Variants in SEMA5A observed in about 807,000 individuals in gnomAD.
SEMA5A encodes semaphorin-5A.
In SEMA5A, 55 loss-of-function variants were observed where a neutral mutation model predicts 135.5. The ratio of observed to expected loss-of-function variants is 0.41; its 90% CI spans 0.33 to 0.51. The LOEUF is 0.51. Among genes scored for constraint, SEMA5A ranks in the 20% least tolerant of loss-of-function variants. The pLI is 0.37. For synonymous variants in SEMA5A, 580 were observed against 546.5 expected (o/e 1.06, Z -0.85); for missense variants, 1,290 against 1,419.9 (o/e 0.91, Z 1.47).
Position 9,052,042 on chromosome 5 carries a change from A to G in SEMA5A, c.2690-14T>C. On this transcript the variant is annotated splice_polypyrimidine_tract_variant and intron_variant, in intron 19 of 22. Coordinates refer to ENST00000382496, the MANE Select transcript of SEMA5A (RefSeq NM_003966.3). ...CCGACCAGCTCTCTGCAGAGACCAG[A>G]AAAGGGGAGATGGGGCGGAATGGCC... The G allele has an allele frequency of 1.3e-6, 2 of 1,568,650 alleles. No individual in the cohort carries two copies. Among genetic ancestry groups the G allele is most frequent in the East Asian group, 2.3e-5 (1 of 43,802 alleles).
At chr5:9,532,191 TC>T (rs991520673) in intron 1 of SEMA5A, among the ~76,000 whole-genome samples, 2 of 151,270 alleles carry the variant, frequency 1.3e-5, no homozygotes, top group African/African-American at 4.9e-5. Context: ...ATCTTAAATA[TC>T]CCCCCCATCC....
chr5:9,373,985 T>G (rs571034702), intron 3 of SEMA5A, among the ~76,000 whole-genome samples: 11 of 152,310 alleles, frequency 7.2e-5, no homozygotes, highest in Admixed American at 7.2e-4. Flanking sequence ...GTTTTGAGAC[T>G]CAGTAAGCAT....
chr5:9,055,091 T>G (rs1736817197), intron 18 of SEMA5A, among the ~76,000 whole-genome samples: 1 of 152,182 alleles, frequency 6.6e-6, no homozygotes, highest in Admixed American at 6.5e-5. Context: ...TGCTGAATGC[T>G]GGGGTCAGGT....
intron 3 of SEMA5A, among the ~76,000 whole-genome samples, chr5:9,351,104 G>A (rs1395520047): frequency 1.3e-5 from 2 of 152,180 alleles, no homozygotes; most frequent in South Asian, 2.1e-4. Flanking sequence ...GGGCATTATG[G>A]TACCTGCTTA....
At chr5:9,483,175 T>C (rs915781161) in intron 1 of SEMA5A, among the ~76,000 whole-genome samples, 2 of 152,094 alleles carry the variant, frequency 1.3e-5, no homozygotes, top group Non-Finnish European at 2.9e-5. Flanking sequence ...CTTCTACCAC[T>C]CCCTCTCTCT....
chr5:9,268,082 T>C (rs1441947026), intron 5 of SEMA5A, among the ~76,000 whole-genome samples: 1 of 152,154 alleles, frequency 6.6e-6, no homozygotes, highest in Non-Finnish European at 1.5e-5. Context: ...GAAACACCTA[T>C]AGTATTGGTT....
intron 3 of SEMA5A, among the ~76,000 whole-genome samples, chr5:9,361,778 G>C (rs987050494): frequency 6.6e-6 from 1 of 152,204 alleles, no homozygotes; most frequent in Middle Eastern, 3.4e-3. Context: ...GCGGATCTAG[G>C]GTCCAAATTC....
chr5:9,304,914 C>T (rs1291832364), intron 5 of SEMA5A, among the ~76,000 whole-genome samples: 4 of 152,066 alleles, frequency 2.6e-5, no homozygotes, highest in African/African-American at 9.7e-5. Context: ...TAGTTATTAT[C>T]TTTTTGTCCC....
At chr5:9,126,121 G>T (rs1741098059) in intron 13 of SEMA5A, among the ~76,000 whole-genome samples, 1 of 152,104 alleles carries the variant, frequency 6.6e-6, no homozygotes, top group Non-Finnish European at 1.5e-5. Flanking sequence ...CAATATATAG[G>T]TCTGTACTAT....
At chr5:9,385,709 G>A (rs951861855) in intron 2 of SEMA5A, among the ~76,000 whole-genome samples, 1 of 151,312 alleles carries the variant, frequency 6.6e-6, no homozygotes, top group Admixed American at 6.6e-5. Context: ...CTGCATGTGT[G>A]TCTCTTAATT....
At chr5:9,165,478 T>A (rs1454653687) in intron 11 of SEMA5A, among the ~76,000 whole-genome samples, 5 of 152,190 alleles carry the variant, frequency 3.3e-5, no homozygotes, top group African/African-American at 1.2e-4. Flanking sequence ...CTGAATCCAA[T>A]AGAGAAATTA....
intron 10 of SEMA5A, 82 bp downstream of exon 10, chr5:9,197,086 A>C: frequency 6.3e-7 from 1 of 1,581,092 alleles, no homozygotes; most frequent in Non-Finnish European, 8.6e-7. Context: ...CCGCGGTTTA[A>C]ATTACCCTTG....
intron 18 of SEMA5A, among the ~76,000 whole-genome samples, chr5:9,056,155 T>C (rs1736877090): frequency 6.6e-6 from 1 of 152,190 alleles, no homozygotes; most frequent in Admixed American, 6.5e-5. Context: ...AACCATGTGT[T>C]CTGTAGATCC....
intron 2 of SEMA5A, among the ~76,000 whole-genome samples, chr5:9,401,119 C>T (rs1756641512): frequency 6.6e-6 from 1 of 151,848 alleles, no homozygotes; most frequent in South Asian, 2.1e-4. Context: ...AATTTTTTTT[C>T]CACTGTTCAA....
At chr5:9,069,513 TG>T (rs1737659094) in intron 16 of SEMA5A, among the ~76,000 whole-genome samples, 1 of 152,246 alleles carries the variant, frequency 6.6e-6, no homozygotes, top group African/African-American at 2.4e-5. Flanking sequence ...CAACTTTACC[TG>T]GGAACCTAAT....
intron 2 of SEMA5A, among the ~76,000 whole-genome samples, chr5:9,428,919 T>C (rs1757761241): frequency 6.6e-6 from 1 of 152,046 alleles, no homozygotes; most frequent in Admixed American, 6.6e-5. Context: ...TGTGCCAGAG[T>C]GTTAAGTATT....
At chr5:9,516,810 G>A (rs1474262552) in intron 1 of SEMA5A, 2 of 152,360 alleles carry the variant, frequency 1.3e-5, no homozygotes, top group South Asian at 4.1e-4. Context: ...TGGGGGCAGC[G>A]TCTTCTGGGA....
chr5:9,317,742 T>G (rs1388431217), intron 5 of SEMA5A, among the ~76,000 whole-genome samples: 1 of 152,178 alleles, frequency 6.6e-6, no homozygotes, highest in Non-Finnish European at 1.5e-5. Context: ...GAAGAAGATA[T>G]TTGTGTCTTA....
intron 16 of SEMA5A, among the ~76,000 whole-genome samples, chr5:9,091,637 G>T (rs184040521): frequency 9.8e-5 from 15 of 152,294 alleles, no homozygotes; most frequent in African/African-American, 3.6e-4. Context: ...GTTTTCATGA[G>T]ATTTGCAGTT....
Sources: allele counts gnomAD v4.1 joint callset (sites outside exome capture counted in the v4.1 genomes callset), GRCh38; gene constraint gnomAD v4.1.1; transcripts MANE v1.5; gene names NCBI Gene and HGNC (gene_info 2026-07-23, HGNC 2026-07-21).